Variants in JARID2 observed in about 807,000 individuals in gnomAD.
JARID2 encodes protein Jumonji.
A neutral mutation model predicts 125.6 loss-of-function variants in JARID2; 21 were observed. The observed-to-expected ratio is 0.17, with a 90% CI of 0.12 to 0.24. JARID2 has a LOEUF of 0.24. Among genes scored for constraint, JARID2 ranks in the 10% least tolerant of loss-of-function variants. The pLI is 1.00. For synonymous variants in JARID2, 736 were observed against 661.6 expected (o/e 1.11, Z -1.73); for missense variants, 1,303 against 1,639.6 (o/e 0.79, Z 3.55).
chr6:15,256,936 G>A (rs1759688556), intron 1 of JARID2, among the ~76,000 whole-genome samples: 1 of 152,196 alleles, frequency 6.6e-6, no homozygotes, highest in Admixed American at 6.5e-5. Context: ...TTAGTAGTGG[G>A]AGGGAATCGG....
At chr6:15,490,467 A>G (rs1244446069) in intron 6 of JARID2, among the ~76,000 whole-genome samples, 1 of 152,164 alleles carries the variant, frequency 6.6e-6, no homozygotes, top group East Asian at 1.9e-4. Flanking sequence ...TGTGCGATTT[A>G]TGGAGTCCCT....
intron 4 of JARID2, among the ~76,000 whole-genome samples, chr6:15,463,539 T>C (rs768091592): frequency 7.3e-5 from 11 of 151,522 alleles, no homozygotes; most frequent in Admixed American, 2.0e-4. Context: ...CAAGTGATTC[T>C]CCTGCTTCAG....
At position 15,521,206 on chromosome 6, in the gene JARID2, ATCTT is replaced by A. The variant is rs1318176187; in HGVS notation, c.*961_*964del. On this transcript the variant is annotated 3_prime_UTR_variant, in exon 18 of 18. Coordinates refer to ENST00000341776, the MANE Select transcript of JARID2 (RefSeq NM_004973.4). ...TTGACACCTTCACAAGTCAGCATTA[ATCTT>A]TCTTTTAAAACTTGTTTCATTTATG... 2 of 153,732 alleles carry A rather than the reference ATCTT, an allele frequency of 1.3e-5. No individual in the cohort carries two copies. The highest frequency in any genetic ancestry group is 1.3e-4 in the Admixed American group (2 of 15,416). 9.5% of individuals were successfully genotyped at this position (153,732 alleles called of 1,614,324 possible). A position where few individuals can be genotyped will look rare whatever the true frequency, so the allele number is the denominator to read the frequency against.
intron 2 of JARID2, among the ~76,000 whole-genome samples, chr6:15,385,717 T>G (rs1200658516): frequency 6.6e-6 from 1 of 152,104 alleles, no homozygotes; most frequent in African/African-American, 2.4e-5. Context: ...GCCACCCACG[T>G]CTCTGCCGCC....
chr6:15,467,915 C>T (rs1032669189), intron 4 of JARID2, among the ~76,000 whole-genome samples: 1 of 152,160 alleles, frequency 6.6e-6, no homozygotes, highest in Admixed American at 6.5e-5. Flanking sequence ...GTGAGGAGAT[C>T]GGTTCCCCCG....
In JARID2 at chr6:15,270,145, C is replaced by T. The variant is rs149030621; in HGVS notation, c.45+23561C>T. On this transcript the variant is annotated intron_variant, in intron 1 of 17. Coordinates refer to ENST00000341776, the MANE Select transcript of JARID2 (RefSeq NM_004973.4). ...CCGTCCATCTGTCCGTCCGTCCTTC[C>T]GTCTTTGATGGACTTTCACTCATGT... 1.8e-3 allele frequency among the ~76,000 whole-genome samples: 272 copies of T among 152,156 alleles called. 1 individual carries two copies. The highest frequency in any genetic ancestry group is 5.9e-3 in the African/African-American group (245 of 41,530).
intron 3 of JARID2, among the ~76,000 whole-genome samples, chr6:15,445,273 A>G (rs1234145806): frequency 1.3e-5 from 2 of 152,188 alleles, no homozygotes; most frequent in Admixed American, 6.5e-5. Context: ...TATTTGGCAT[A>G]GGACTGTTAG....
chr6:15,405,801 A>G (rs1326177868), intron 2 of JARID2, among the ~76,000 whole-genome samples: 1 of 152,256 alleles, frequency 6.6e-6, no homozygotes, highest in Non-Finnish European at 1.5e-5. Context: ...GGGGAGAGAA[A>G]AGGCAGTACA....
At chr6:15,513,103 C>A (rs966508650) in intron 15 of JARID2, 58 bp downstream of exon 15, 2 of 1,608,424 alleles carry the variant, frequency 1.2e-6, no homozygotes, top group Non-Finnish European at 1.7e-6. Context: ...TTCGGGGGCT[C>A]ACCCCCCGAG....
intron 2 of JARID2, among the ~76,000 whole-genome samples, chr6:15,380,630 A>AG (rs1764544016): frequency 6.6e-6 from 1 of 152,186 alleles, no homozygotes; most frequent in Non-Finnish European, 1.5e-5. Context: ...TTTGTAGCCA[A>AG]GGACCAGTAT....
chr6:15,298,230 C>T (rs571543726), intron 1 of JARID2, among the ~76,000 whole-genome samples: 36 of 152,212 alleles, frequency 2.4e-4, no homozygotes, highest in African/African-American at 7.5e-4. Flanking sequence ...TTCTGGATTC[C>T]GCTCTCCTAT....
In JARID2 at chr6:15,520,687, G is replaced by GCACA; in HGVS notation, c.*437_*438insACAC. The GCACA allele has an allele frequency of 5.0e-6, 2 of 403,898 alleles. No individual in the cohort carries two copies. 25.0% of individuals were successfully genotyped at this position (403,898 alleles called of 1,614,324 possible). A position where few individuals can be genotyped will look rare whatever the true frequency, so the allele number is the denominator to read the frequency against. The stretch of plus-strand genomic sequence containing the variant: ...TTTTTAGAAGGGATAGGAGACACAC[G>GCACA]CGCACACACACACACACACGAAACT... On this transcript the variant is annotated 3_prime_UTR_variant, in exon 18 of 18. Coordinates refer to ENST00000341776, the MANE Select transcript of JARID2 (RefSeq NM_004973.4).
chr6:15,258,266 G>T lies in JARID2; in HGVS notation c.45+11682G>T, dbSNP rs140545455. 5.4e-3 allele frequency among the ~76,000 whole-genome samples: 819 copies of T among 152,306 alleles called. 4 individuals carry two copies. Among genetic ancestry groups the T allele is most frequent in the Non-Finnish European group, 7.0e-3 (475 of 68,018 alleles). On this transcript the variant is annotated intron_variant, in intron 1 of 17. Transcript: ENST00000341776. ...TGCCCTTGTCTGAGGGGCATTTACA[G>T]TTTAGTTGGCAGCAGGGATGTGAAA...
At chr6:15,465,254 A>G (rs1768660787) in intron 4 of JARID2, among the ~76,000 whole-genome samples, 1 of 152,138 alleles carries the variant, frequency 6.6e-6, no homozygotes, top group South Asian at 2.1e-4. Context: ...GGAGTTTGAG[A>G]CAAGCCTCGG....
intron 3 of JARID2, among the ~76,000 whole-genome samples, chr6:15,432,540 T>G (rs1767013736): frequency 6.6e-6 from 1 of 152,190 alleles, no homozygotes; most frequent in Admixed American, 6.5e-5. Flanking sequence ...GTAGCACTGG[T>G]TGCAGAATTT....
At chr6:15,496,066 C>A in intron 6 of JARID2, 66 bp from the exon 7 acceptor site, 2 of 1,363,078 alleles carry the variant, frequency 1.5e-6, no homozygotes, top group Non-Finnish European at 2.0e-6. Context: ...CACGGGTGGG[C>A]CGGTCATTTT....
At chr6:15,414,277 G>A (rs1342212310) in intron 3 of JARID2, among the ~76,000 whole-genome samples, 2 of 152,104 alleles carry the variant, frequency 1.3e-5, no homozygotes, top group Non-Finnish European at 2.9e-5. Context: ...ACATTTTTCT[G>A]ATGATGCTAA....
chr6:15,323,302 C>A (rs1310247614), intron 1 of JARID2, among the ~76,000 whole-genome samples: 2 of 152,202 alleles, frequency 1.3e-5, no homozygotes, highest in Non-Finnish European at 2.9e-5. Context: ...CCTTTTCTTT[C>A]TTACAATCAC....
intron 1 of JARID2, among the ~76,000 whole-genome samples, chr6:15,260,733 A>G (rs766632772): frequency 2.6e-5 from 4 of 152,218 alleles, no homozygotes; most frequent in Non-Finnish European, 4.4e-5. Context: ...TGCTATTAAA[A>G]TGGGTTTTCT....
Sources: allele counts gnomAD v4.1 joint callset (sites outside exome capture counted in the v4.1 genomes callset), GRCh38; gene constraint gnomAD v4.1.1; transcripts MANE v1.5; gene names NCBI Gene and HGNC (gene_info 2026-07-23, HGNC 2026-07-21).